Variants in NPFFR1 observed in about 807,000 individuals in gnomAD.
NPFFR1 encodes G-protein coupled receptor 147.
In NPFFR1, 17 loss-of-function variants were observed where a neutral mutation model predicts 12.7. That is an observed-to-expected ratio of 1.34 (90% CI 0.92 to 2.01). NPFFR1 has a LOEUF of 2.01. Among genes scored for constraint, NPFFR1 ranks in the 30% most tolerant of loss-of-function variants. NPFFR1 has a pLI of 0.00. For missense variants in NPFFR1, 604 were observed against 606.5 expected, an observed-to-expected ratio of 1.00 and a Z score of 0.04; for synonymous variants, 296 against 264.5, an observed-to-expected ratio of 1.12 and a Z score of -1.16.
intron 3 of NPFFR1, among the ~76,000 whole-genome samples, chr10:70,259,539 C>T (rs12264054): frequency 0.033 from 5,082 of 152,188 alleles, 259 homozygotes; most frequent in African/African-American, 0.11. Context: ...AGGGACTTCT[C>T]CTGATCACCC....
In NPFFR1 at chr10:70,248,831, C is replaced by G. The variant is rs1051224646; in HGVS notation, c.*6126G>C. The stretch of plus-strand genomic sequence containing the variant: ...CACTGAATACATGTTTTGAGTTAAC[C>G]AGAAATTTAATTATTGAAATTCAAT... On this transcript the variant is annotated 3_prime_UTR_variant, in exon 4 of 4. Transcript: ENST00000277942. The G allele has an allele frequency of 6.6e-6, 1 of 152,046 alleles. No individual in the cohort carries two copies. Among genetic ancestry groups the G allele is most frequent in the Non-Finnish European group, 1.5e-5 (1 of 68,010 alleles). The allele number at this position is 152,046 out of a possible 1,614,324, so 9.4% of individuals were successfully genotyped here.
chr10:70,248,407 G>T lies in NPFFR1; in HGVS notation c.*6550C>A, dbSNP rs1453152330. The T allele has an allele frequency of 6.7e-6, 1 of 150,100 alleles. No homozygotes were observed. The highest frequency in any genetic ancestry group is 1.5e-5 in the Non-Finnish European group (1 of 67,784). The allele number at this position is 150,100 out of a possible 1,614,324, so 9.3% of individuals were successfully genotyped here. A position where few individuals can be genotyped will look rare whatever the true frequency, so the allele number is the denominator to read the frequency against. On this transcript the variant is annotated 3_prime_UTR_variant, in exon 4 of 4. Transcript: ENST00000277942. ...TAGACATAGTTCCTGTCCTCATGGA[G>T]CTTATGGTCCACTGTGAGAAATAAA...
chr10:70,279,810 C>T (rs539958409), intron 1 of NPFFR1, among the ~76,000 whole-genome samples: 50 of 152,296 alleles, frequency 3.3e-4, no homozygotes, highest in Non-Finnish European at 6.2e-4. Context: ...CTCTATGCAC[C>T]ATGCTGTGCA....
chr10:70,247,517 A>G lies in NPFFR1; in HGVS notation c.*7440T>C, dbSNP rs1840461977. On this transcript the variant is annotated 3_prime_UTR_variant, in exon 4 of 4. Coordinates refer to ENST00000277942, the MANE Select transcript of NPFFR1 (RefSeq NM_022146.5). ...ATACTCCTCCTGGGGGGCAGTCAAAACACAGAAATGTAGATCGCTCAGTCA... is the reference window on the plus strand; with the variant it reads ...ATACTCCTCCTGGGGGGCAGTCAAAGCACAGAAATGTAGATCGCTCAGTCA... 1 of 152,208 alleles carries G rather than the reference A, an allele frequency of 6.6e-6. No individual in the cohort carries two copies. The highest frequency in any genetic ancestry group is 2.1e-4 in the South Asian group (1 of 4,818). The allele number at this position is 152,208 out of a possible 1,614,324, so 9.4% of individuals were successfully genotyped here.
At chr10:70,278,898 T>C (rs547926325) in intron 1 of NPFFR1, among the ~76,000 whole-genome samples, 4 of 152,346 alleles carry the variant, frequency 2.6e-5, no homozygotes, top group African/African-American at 4.8e-5. Flanking sequence ...TTGTGTCTTA[T>C]GAACAGTTGC....
intron 2 of NPFFR1, among the ~76,000 whole-genome samples, chr10:70,262,366 G>A (rs746793894): frequency 6.6e-6 from 1 of 152,090 alleles, no homozygotes; most frequent in South Asian, 2.1e-4. Context: ...AGGAACACAC[G>A]AACTGGAGTA....
At position 70,247,486 on chromosome 10, in the gene NPFFR1, C is replaced by T. The variant is rs1840461559; in HGVS notation, c.*7471G>A. 1 of 152,194 alleles carries T rather than the reference C, an allele frequency of 6.6e-6. No homozygotes were observed. The highest frequency in any genetic ancestry group is 1.5e-5 in the Non-Finnish European group (1 of 68,034). The allele number at this position is 152,194 out of a possible 1,614,324, so 9.4% of individuals were successfully genotyped here. On this transcript the variant is annotated 3_prime_UTR_variant, in exon 4 of 4. Transcript: ENST00000277942. ...CACTATGGACAAACAAAATGCACTA[C>T]ACAACATACTCCTCCTGGGGGGCAG...
chr10:70,258,110 G>A (rs980997640), intron 3 of NPFFR1, among the ~76,000 whole-genome samples: 1 of 152,136 alleles, frequency 6.6e-6, no homozygotes, highest in Non-Finnish European at 1.5e-5. Context: ...GGTCACCTGG[G>A]CCCACTGTTG....
chr10:70,250,825 G>A lies in NPFFR1; in HGVS notation c.*4132C>T, dbSNP rs934601380. On this transcript the variant is annotated 3_prime_UTR_variant, in exon 4 of 4. Transcript: ENST00000277942. Reference sequence around the variant, plus strand: ...TACAACTGTTAAAACTCGTCAAGCAGTACACTTAAGACGGGTGAATTTTTT... The same window carrying A: ...TACAACTGTTAAAACTCGTCAAGCAATACACTTAAGACGGGTGAATTTTTT... The A allele has an allele frequency of 1.3e-5, 2 of 152,186 alleles. No individual in the cohort carries two copies. The highest frequency in any genetic ancestry group is 2.9e-5 in the Non-Finnish European group (2 of 68,028). The allele number at this position is 152,186 out of a possible 1,614,324, so 9.4% of individuals were successfully genotyped here.
chr10:70,276,472 G>T (rs1840805502), intron 1 of NPFFR1, among the ~76,000 whole-genome samples: 2 of 151,914 alleles, frequency 1.3e-5, no homozygotes, highest in African/African-American at 4.8e-5. Flanking sequence ...AAAGGAGTCA[G>T]ACATTAAATT....
intron 1 of NPFFR1, among the ~76,000 whole-genome samples, chr10:70,267,001 C>T (rs1840700622): frequency 6.6e-6 from 1 of 152,228 alleles, no homozygotes; most frequent in Non-Finnish European, 1.5e-5. Context: ...TCCCTGGGTG[C>T]TTCACCGTTT....
intron 1 of NPFFR1, 75 bp from the exon 2 acceptor site, chr10:70,266,466 C>G (rs1589912865): frequency 8.4e-7 from 1 of 1,192,996 alleles, no homozygotes; most frequent in East Asian, 2.5e-5. Flanking sequence ...CTAATGAGAC[C>G]CTCTGTGTGC....
chr10:70,272,244 G>GAAAGAAAGAAAGAGAAAGA (rs60571634), intron 1 of NPFFR1, among the ~76,000 whole-genome samples: 7 of 64,474 alleles, frequency 1.1e-4, no homozygotes, highest in Admixed American at 8.5e-4. Flanking sequence ...AAGAAAGAAA[G>GAAAGAAAGAAAGAGAAAGA]AAGAAAGAAG....
At position 70,255,579 on chromosome 10, in the gene NPFFR1, A is replaced by T; in HGVS notation, c.671T>A (p.Ile224Asn). 6.4e-7 allele frequency: 1 copy of T among 1,552,182 alleles called. No individual in the cohort carries two copies. Among genetic ancestry groups the T allele is most frequent in the East Asian group, 2.4e-5 (1 of 40,964 alleles). Residue 224 changes from isoleucine (I) to asparagine (N), a missense_variant, in exon 4 of 4, where the codon ATC becomes AAC. By Grantham distance (149) the Ile-to-Asn change is moderately radical. Coordinates refer to ENST00000277942, the MANE Select transcript of NPFFR1 (RefSeq NM_022146.5). The surrounding 1 kb of genome is among the most constrained non-coding windows in gnomAD (Gnocchi z 4.2). Reference protein sequence around the residue: ...RVYTTVLFSHIYLAPLALIVV... With the variant: ...RVYTTVLFSHNYLAPLALIVV... ...GATGAGCGCCAGCGGCGCCAGGTAGATGTGCGAGAAGAGCACAGTGGTGTA... is the reference window on the plus strand; with the variant it reads ...GATGAGCGCCAGCGGCGCCAGGTAGTTGTGCGAGAAGAGCACAGTGGTGTA...
intron 1 of NPFFR1, among the ~76,000 whole-genome samples, chr10:70,267,221 G>T (rs1840703185): frequency 2.6e-5 from 4 of 152,136 alleles, no homozygotes; most frequent in Admixed American, 2.6e-4. Context: ...GTGAACCAGG[G>T]CTAAGGAGAA....
chr10:70,262,844 T>A (rs1052329149), intron 2 of NPFFR1, among the ~76,000 whole-genome samples: 17 of 152,166 alleles, frequency 1.1e-4, no homozygotes, highest in African/African-American at 4.1e-4. Flanking sequence ...CCAATACCCA[T>A]GAGCACACCT....
intron 3 of NPFFR1, among the ~76,000 whole-genome samples, chr10:70,259,868 G>T (rs1276428272): frequency 6.6e-6 from 1 of 152,168 alleles, no homozygotes; most frequent in African/African-American, 2.4e-5. Flanking sequence ...AGACTACAAG[G>T]GCTCAGAGTA....
intron 3 of NPFFR1, among the ~76,000 whole-genome samples, chr10:70,256,678 C>G (rs1840576228): frequency 6.6e-6 from 1 of 152,150 alleles, no homozygotes; most frequent in African/African-American, 2.4e-5. Flanking sequence ...AAAGGTGAGG[C>G]CTTTAAGATA....
chr10:70,278,011 C>T, intron 1 of NPFFR1: 1 of 518,782 alleles, frequency 1.9e-6, no homozygotes, highest in Non-Finnish European at 3.9e-6. Context: ...TTTTCTGTCC[C>T]CTAGTCAGTC....
Sources: gnomAD v4.1 joint callset for allele counts (sites outside exome capture counted in the v4.1 genomes callset) on GRCh38, gnomAD v4.1.1 for gene constraint, Gnocchi (gnomAD v3.1) non-coding constraint, MANE v1.5 for transcripts, NCBI Gene and HGNC (gene_info 2026-07-23, HGNC 2026-07-21) for gene names.